VPS13A: variants seen among roughly 807,000 people sequenced by gnomAD.
VPS13A encodes intermembrane lipid transfer protein VPS13A.
In VPS13A, 264 loss-of-function variants were observed where a neutral mutation model predicts 390.9. The observed-to-expected ratio is 0.68, with a 90% CI of 0.61 to 0.75. The LOEUF is 0.75. Ranked by LOEUF, VPS13A falls within the 30% of genes least tolerant of loss-of-function variation. The pLI is 0.00. For synonymous variants in VPS13A, 1,231 were observed against 1,227.1 expected, an observed-to-expected ratio of 1.00 and a Z score of -0.07; for missense variants, 3,409 against 3,733.9, an observed-to-expected ratio of 0.91 and a Z score of 2.27.
At chr9:77,415,869 G>A in intron 71 of VPS13A, 87 bp from the exon 72 acceptor site, 1 of 1,511,656 alleles carries the variant, frequency 6.6e-7, no homozygotes, top group Non-Finnish European at 9.2e-7. Context: ...AAACTATAAA[G>A]CTAACTTCTA....
chr9:77,344,119 T>C, intron 50 of VPS13A, 34 bp from the exon 51 acceptor site: 1 of 1,490,934 alleles, frequency 6.7e-7, no homozygotes, highest in Non-Finnish European at 9.2e-7. Context: ...TGAAATCTGT[T>C]TATTTTTATA....
At position 77,417,840 on chromosome 9, in the gene VPS13A, T is replaced by G. The variant is rs1029759882; in HGVS notation, c.*1834T>G. The G allele has an allele frequency of 3.3e-5, 5 of 152,174 alleles. No individual in the cohort carries two copies. The highest frequency in any genetic ancestry group is 3.3e-4 in the Admixed American group (5 of 15,264). 9.4% of individuals were successfully genotyped at this position (152,174 alleles called of 1,614,324 possible). On this transcript the variant is annotated 3_prime_UTR_variant, in exon 72 of 72. Transcript: ENST00000360280. ...GAGTGGGTCTTGTGACTAATCCACATGGAAAGGATAGTGCCTGTCTTTCCT... is the reference window on the plus strand; with the variant it reads ...GAGTGGGTCTTGTGACTAATCCACAGGGAAAGGATAGTGCCTGTCTTTCCT...
At chr9:77,213,639 T>C (rs1211193244) in intron 9 of VPS13A, among the ~76,000 whole-genome samples, 2 of 151,950 alleles carry the variant, frequency 1.3e-5, no homozygotes, top group East Asian at 1.9e-4. Context: ...TAGCGAGGAC[T>C]ATAGGCACAC....
At chr9:77,405,312 G>GAAAT in intron 69 of VPS13A, among the ~76,000 whole-genome samples, 2 of 152,244 alleles carry the variant, frequency 1.3e-5, no homozygotes, top group Middle Eastern at 6.8e-3. Context: ...ATGTAGTTGG[G>GAAAT]AAATACGTTA....
intron 16 of VPS13A, among the ~76,000 whole-genome samples, chr9:77,227,890 A>G (rs759371726): frequency 9.2e-5 from 14 of 151,784 alleles, no homozygotes; most frequent in Non-Finnish European, 1.6e-4. Flanking sequence ...TCAAAAATAT[A>G]TGTTACTGAC....
At position 77,283,016 on chromosome 9, in the gene VPS13A, G is replaced by T. The variant is rs62573221; in HGVS notation, c.3119-339G>T. Among the ~76,000 whole-genome samples, 9,337 of 151,580 alleles carry T rather than the reference G, an allele frequency of 0.062. 351 individuals carry two copies. The highest frequency in any genetic ancestry group is 0.088 in the Non-Finnish European group (5,960 of 67,912). On this transcript the variant is annotated intron_variant, in intron 29 of 71. Transcript: ENST00000360280. Reference sequence around the variant, plus strand: ...TTTAAAATCAGAGTATAGTACTTTCGAAGCAGTGAAAAGTTGCAATTTTGA... The same window carrying T: ...TTTAAAATCAGAGTATAGTACTTTCTAAGCAGTGAAAAGTTGCAATTTTGA...
At chr9:77,193,424 A>G (rs1180289733) in intron 1 of VPS13A, among the ~76,000 whole-genome samples, 1 of 152,166 alleles carries the variant, frequency 6.6e-6, no homozygotes, top group Non-Finnish European at 1.5e-5. Flanking sequence ...ACTTGAGGTC[A>G]GGTGTTCAAG....
intron 17 of VPS13A, among the ~76,000 whole-genome samples, chr9:77,230,864 A>G (rs1366694525): frequency 2.0e-5 from 3 of 152,166 alleles, no homozygotes; most frequent in Non-Finnish European, 4.4e-5. Context: ...AACAATATTA[A>G]GTCTTCCAAT....
intron 71 of VPS13A, among the ~76,000 whole-genome samples, chr9:77,408,911 C>T (rs1254628581): frequency 6.6e-6 from 1 of 152,230 alleles, no homozygotes; most frequent in African/African-American, 2.4e-5. Context: ...CCTCTGCAGA[C>T]TTAAATGTCC....
chr9:77,363,784 G>A (rs1055578627), intron 59 of VPS13A, among the ~76,000 whole-genome samples: 9 of 152,144 alleles, frequency 5.9e-5, no homozygotes, highest in African/African-American at 1.4e-4. Context: ...CCTTAGGCTC[G>A]AACTGCACTA....
chr9:77,356,861 T>C lies in VPS13A; in HGVS notation c.7800T>C (p.Asn2600=). ...SEDKVIQLDT[N]VPVRLTPTGH... is the part of the protein sequence containing the mutation. The stretch of plus-strand genomic sequence containing the variant: ...ATAAGGTTATTCAGTTGGACACTAA[T>C]GTTCCGGTAATATTTTTAAGTACTG... Residue 2600 remains asparagine, a synonymous_variant, in exon 55 of 72, where the codon AAT becomes AAC. Coordinates refer to ENST00000360280, the MANE Select transcript of VPS13A (RefSeq NM_033305.3). The C allele has an allele frequency of 2.5e-6, 4 of 1,613,790 alleles. No homozygotes were observed. The highest frequency in any genetic ancestry group is 2.5e-6 in the Non-Finnish European group (3 of 1,179,918).
rs1430389902 is a variant in VPS13A, at chr9:77,207,118, G to A, written c.385+1039G>A. On this transcript the variant is annotated intron_variant, in intron 5 of 71. Coordinates refer to ENST00000360280, the MANE Select transcript of VPS13A (RefSeq NM_033305.3). ...AAAGTTAAGCAGTATTATAGTGTCC[G>A]GATTAAAAAAAAAAACCAACTGTTC... 2.9e-5 allele frequency among the ~76,000 whole-genome samples: 4 copies of A among 139,952 alleles called. No individual in the cohort carries two copies. The East Asian group carries it at 6.3e-4, about 22-fold the overall frequency. 91.8% of individuals were successfully genotyped at this position (139,952 alleles called of 152,430 possible).
At chr9:77,219,086 A>T (rs948551094) in intron 10 of VPS13A, among the ~76,000 whole-genome samples, 2 of 152,116 alleles carry the variant, frequency 1.3e-5, no homozygotes, top group Non-Finnish European at 1.5e-5. Context: ...TGAAGGGCAG[A>T]GAAAGGTTGG....
At chr9:77,409,309 C>G (rs1295235020) in intron 71 of VPS13A, among the ~76,000 whole-genome samples, 1 of 152,162 alleles carries the variant, frequency 6.6e-6, no homozygotes, top group African/African-American at 2.4e-5. Flanking sequence ...ACATCACCAT[C>G]ATCAAAGACC....
At chr9:77,336,142 G>A (rs1362201011) in intron 46 of VPS13A, among the ~76,000 whole-genome samples, 1 of 152,130 alleles carries the variant, frequency 6.6e-6, no homozygotes, top group African/African-American at 2.4e-5. Flanking sequence ...TCATAAGTGG[G>A]AGTTGAACAA....
At chr9:77,182,182 C>G (rs59665152) in intron 1 of VPS13A, among the ~76,000 whole-genome samples, 1,882 of 152,294 alleles carry the variant, frequency 0.012, 38 homozygotes, top group African/African-American at 0.043. Flanking sequence ...CAACCTCTGT[C>G]TCACGGCCTC....
intron 17 of VPS13A, among the ~76,000 whole-genome samples, chr9:77,235,938 CTTTG>C (rs1309957550): frequency 2.0e-5 from 3 of 152,076 alleles, no homozygotes; most frequent in African/African-American, 7.2e-5. Context: ...TCCATACAAC[CTTTG>C]TTTTTCACTT....
intron 1 of VPS13A, among the ~76,000 whole-genome samples, chr9:77,184,488 G>A (rs1344152989): frequency 1.3e-5 from 2 of 152,100 alleles, no homozygotes; most frequent in South Asian, 2.1e-4. Context: ...GTGTGGTGGC[G>A]GGCACCTGTA....
rs77648191 is a variant in VPS13A, at chr9:77,307,754, C to G, written c.3961-191C>G. Among the ~76,000 whole-genome samples, 460 of 152,166 alleles carry G rather than the reference C, an allele frequency of 3.0e-3. 5 individuals carry two copies. The highest frequency in any genetic ancestry group is 9.7e-3 in the African/African-American group (403 of 41,524). ...ATTGGTATTAACACCTAATTTAGTT[C>G]TATATTTCACAAGCTACTAAAGAGC... is the stretch of plus-strand genomic sequence containing the variant. On this transcript the variant is annotated intron_variant, in intron 34 of 71. Transcript: ENST00000360280.
Sources: gnomAD v4.1 joint callset for allele counts (sites outside exome capture counted in the v4.1 genomes callset) on GRCh38, gnomAD v4.1.1 for gene constraint, MANE v1.5 for transcripts, NCBI Gene and HGNC (gene_info 2026-07-23, HGNC 2026-07-21) for gene names.